The following ATCAY variants were observed in gnomAD, a reference collection of about 807,000 sequenced individuals.
ATCAY encodes the protein ATCAY kinesin light chain interacting caytaxin, also known as caytaxin.
In ATCAY, 22 loss-of-function variants were observed where a neutral mutation model predicts 47.7. The ratio of observed to expected loss-of-function variants is 0.46; its 90% CI spans 0.33 to 0.66. The LOEUF (loss-of-function observed/expected upper bound fraction) is 0.66, where lower values mean the gene tolerates loss of function less well. ATCAY is among the 30% of genes least tolerant of loss of function. ATCAY has a pLI of 0.02. For synonymous variants in ATCAY, 216 were observed against 207.6 expected, an observed-to-expected ratio of 1.04 and a Z score of -0.35; for missense variants, 452 against 515.0, an observed-to-expected ratio of 0.88 and a Z score of 1.18.
Position 3,885,779 on chromosome 19 carries a change from C to T in ATCAY, c.12C>T (p.Thr4=), listed in dbSNP as rs1285392393. The T allele has an allele frequency of 9.0e-6, 14 of 1,551,406 alleles. No individual in the cohort carries two copies. The highest frequency in any genetic ancestry group is 1.8e-4 in the Middle Eastern group (1 of 5,620). The part of the protein sequence containing the change: MGT[T]EATLRMENVD... ...TCTTCCCAGCTCCCATGGGGACCAC[C>T]GAAGCCACGCTCCGGATGGAAAACG... The change falls in exon 2 of 13, where the codon ACC becomes ACT. Residue 4 remains threonine (T), a synonymous_variant. Coordinates refer to ENST00000450849, the MANE Select transcript of ATCAY (RefSeq NM_033064.5).
chr19:3,881,875 C>CCGCCCCG (rs1555765217), intron 1 of ATCAY, among the ~76,000 whole-genome samples: 1 of 145,932 alleles, frequency 6.9e-6, no homozygotes, highest in African/African-American at 2.6e-5. Flanking sequence ...CGCCCCCCCC[C>CCGCCCCG]CGACCCCATA....
chr19:3,911,464 C>T (rs762639848), intron 8 of ATCAY, among the ~76,000 whole-genome samples: 1 of 152,002 alleles, frequency 6.6e-6, no homozygotes, highest in Non-Finnish European at 1.5e-5. Flanking sequence ...GTAGAGGCTG[C>T]AGTGAGCTAT....
chr19:3,896,034 T>G (rs2145231866), intron 2 of ATCAY, among the ~76,000 whole-genome samples: 1 of 152,154 alleles, frequency 6.6e-6, no homozygotes, highest in East Asian at 1.9e-4. Flanking sequence ...AAATTTTTAG[T>G]AGTGATGGGG....
At chr19:3,884,161 C>T (rs1473622255) in intron 1 of ATCAY, among the ~76,000 whole-genome samples, 1 of 152,088 alleles carries the variant, frequency 6.6e-6, no homozygotes, top group African/African-American at 2.4e-5. Context: ...ATGGCACACA[C>T]TCGTGGTCCC....
chr19:3,889,943 T>A (rs1037860019), intron 2 of ATCAY, among the ~76,000 whole-genome samples: 4 of 151,802 alleles, frequency 2.6e-5, no homozygotes, highest in Non-Finnish European at 5.9e-5. Context: ...TCTTTACTTT[T>A]CTTTTCTTTT....
intron 6 of ATCAY, 49 bp from the exon 7 acceptor site, chr19:3,909,437 C>A (rs759216148): frequency 6.3e-7 from 1 of 1,594,098 alleles, no homozygotes; most frequent in Non-Finnish European, 8.6e-7. Context: ...GGTGTCCTGA[C>A]CCTGGACCCC....
At position 3,925,843 on chromosome 19, in the gene ATCAY, C is replaced by T. The variant is rs2039062091; in HGVS notation, c.*1251C>T. On this transcript the variant is annotated 3_prime_UTR_variant, in exon 13 of 13. Coordinates refer to ENST00000450849, the MANE Select transcript of ATCAY (RefSeq NM_033064.5). The surrounding 1 kb of genome is among the most constrained non-coding windows in gnomAD (Gnocchi z 4.4). Reference sequence around the variant, plus strand: ...CCAACATGGTGAAACCTCATCTCTACTAAAAATACAAAAATTAGCCAGGCG... The same window carrying T: ...CCAACATGGTGAAACCTCATCTCTATTAAAAATACAAAAATTAGCCAGGCG... 6.6e-6 allele frequency: 1 copy of T among 152,086 alleles called. No individual in the cohort carries two copies. The highest frequency in any genetic ancestry group is 1.5e-5 in the Non-Finnish European group (1 of 68,050). The allele number at this position is 152,086 out of a possible 1,614,324, so 9.4% of individuals were successfully genotyped here. A position where few individuals can be genotyped will look rare whatever the true frequency, so the allele number is the denominator to read the frequency against.
Position 3,887,774 on chromosome 19 carries a change from T to C in ATCAY, c.77+1930T>C, listed in dbSNP as rs370553756. On this transcript the variant is annotated intron_variant, in intron 2 of 12. Transcript: ENST00000450849. ...GTGCTGGGATTACAGGCGTGAGCCA[T>C]CGCGCCCTACCACCTGTCTCTATTT... Among the ~76,000 whole-genome samples, 249 of 141,634 alleles carry C rather than the reference T, an allele frequency of 1.8e-3. 1 individual carries two copies. The highest frequency in any genetic ancestry group is 6.1e-3 in the East Asian group (25 of 4,106). 92.9% of individuals were successfully genotyped at this position (141,634 alleles called of 152,430 possible).
chr19:3,889,523 G>A (rs1051011028), intron 2 of ATCAY, among the ~76,000 whole-genome samples: 2 of 152,124 alleles, frequency 1.3e-5, no homozygotes, highest in Non-Finnish European at 2.9e-5. Flanking sequence ...TTTGGACTTG[G>A]GACATCGCAG....
intron 1 of ATCAY, 70 bp from the exon 2 acceptor site, chr19:3,885,657 T>C (rs1205029737): frequency 3.1e-5 from 25 of 805,536 alleles, no homozygotes; most frequent in Non-Finnish European, 4.8e-5. Flanking sequence ...GGGGAAGAGC[T>C]GCATGGGGTA....
chr19:3,881,712 C>T (rs1473115644), intron 1 of ATCAY, among the ~76,000 whole-genome samples: 2 of 79,206 alleles, frequency 2.5e-5, no homozygotes, highest in South Asian at 4.5e-4. Flanking sequence ...GGGTCGGGGG[C>T]GGGGCTGGTG....
At chr19:3,924,166 G>A (rs1424152532) in intron 12 of ATCAY, among the ~76,000 whole-genome samples, 1 of 151,208 alleles carries the variant, frequency 6.6e-6, no homozygotes, top group Non-Finnish European at 1.5e-5. Flanking sequence ...ATGAGTGAGT[G>A]GCTGGATGGG....
intron 9 of ATCAY, among the ~76,000 whole-genome samples, chr19:3,915,958 G>A (rs1367358461): frequency 6.6e-6 from 1 of 151,948 alleles, no homozygotes; most frequent in Non-Finnish European, 1.5e-5. Context: ...ACAAAGTGCT[G>A]GGATTACAGG....
At position 3,910,937 on chromosome 19, in the gene ATCAY, G is replaced by A. The variant is rs373603583; in HGVS notation, c.866+48G>A. 18 of 1,577,904 alleles carry A rather than the reference G, an allele frequency of 1.1e-5. No homozygotes were observed. The East Asian group carries it at 2.5e-4, about 22-fold the overall frequency. ...CAAGTCCAGTGGCCTCAGTGTGCGT[G>A]TGTGCGTGTGTGTATGCATGCATTT... On this transcript the variant is annotated intron_variant, in intron 8 of 12. Transcript: ENST00000450849.
intron 12 of ATCAY, among the ~76,000 whole-genome samples, chr19:3,924,253 ATGGATGGATGGATGGATGGG>A (rs1427450317): frequency 1.3e-5 from 2 of 149,828 alleles, no homozygotes; most frequent in African/African-American, 4.9e-5. Flanking sequence ...GGATGGATGG[ATGGATGGATGGATGGATGGG>A]TGGATGGATA....
chr19:3,881,890 C>T (rs2145215295), intron 1 of ATCAY, among the ~76,000 whole-genome samples: 1 of 139,538 alleles, frequency 7.2e-6, no homozygotes, highest in South Asian at 2.3e-4. Flanking sequence ...CCCATAGCAT[C>T]CAGGAGGGAT....
chr19:3,924,832 C>G lies in ATCAY; in HGVS notation c.*240C>G. 1 of 527,210 alleles carries G rather than the reference C, an allele frequency of 1.9e-6. No individual in the cohort carries two copies. The highest frequency in any genetic ancestry group is 3.2e-5 in the East Asian group (1 of 31,340). The allele number at this position is 527,210 out of a possible 1,614,324, so 32.7% of individuals were successfully genotyped here. On this transcript the variant is annotated 3_prime_UTR_variant, in exon 13 of 13. Transcript: ENST00000450849. ...TCCAGAAAAGGGCCCAGCTCTGAGC[C>G]CCTCACCCTTCCACACTCACGAACT...
At chr19:3,887,811 A>G (rs1041943716) in intron 2 of ATCAY, among the ~76,000 whole-genome samples, 3 of 134,264 alleles carry the variant, frequency 2.2e-5, no homozygotes, top group Admixed American at 1.5e-4. Flanking sequence ...AAAAGAGAGG[A>G]AAAAAAAAAA....
intron 2 of ATCAY, among the ~76,000 whole-genome samples, chr19:3,898,719 G>A (rs556757764): frequency 2.6e-5 from 4 of 151,898 alleles, no homozygotes; most frequent in Non-Finnish European, 5.9e-5. Context: ...GTCTCACTCT[G>A]TCCCCAGGCT....
Sources: gnomAD v4.1 joint callset for allele counts (sites outside exome capture counted in the v4.1 genomes callset) on GRCh38, gnomAD v4.1.1 for gene constraint, Gnocchi (gnomAD v3.1) non-coding constraint, MANE v1.5 for transcripts, NCBI Gene and HGNC (gene_info 2026-07-23, HGNC 2026-07-21) for gene names.